The following STYK1 variants were observed in gnomAD, a reference collection of about 807,000 sequenced individuals.
The protein encoded by STYK1 is tyrosine-protein kinase STYK1.
In STYK1, 46 loss-of-function variants were observed where a neutral mutation model predicts 48.1. That is an observed-to-expected ratio of 0.96 (90% CI 0.75 to 1.22). STYK1 has a LOEUF of 1.22. Ranked by LOEUF, STYK1 falls within the 50% of genes most tolerant of loss-of-function variation. STYK1 has a pLI of 0.00. For missense variants in STYK1, 527 were observed against 521.1 expected (o/e 1.01, Z -0.11); for synonymous variants, 188 against 189.0 (o/e 0.99, Z 0.04).
At chr12:10,662,970 G>A (rs1947793413) in intron 1 of STYK1, among the ~76,000 whole-genome samples, 2 of 152,134 alleles carry the variant, frequency 1.3e-5, no homozygotes, top group Non-Finnish European at 2.9e-5. Flanking sequence ...CATAGTTTTA[G>A]TTCTTATATT....
chr12:10,657,736 T>C (rs1394538484), intron 1 of STYK1, among the ~76,000 whole-genome samples: 1 of 152,254 alleles, frequency 6.6e-6, no homozygotes, highest in African/African-American at 2.4e-5. Context: ...GACCTTATCT[T>C]GTACTTCTCT....
chr12:10,647,026 G>A (rs143935694), intron 1 of STYK1, among the ~76,000 whole-genome samples: 59 of 152,352 alleles, frequency 3.9e-4, no homozygotes, highest in Admixed American at 2.0e-3. Context: ...CTGCAGGGGC[G>A]GGGCCCTCAT....
intron 2 of STYK1, among the ~76,000 whole-genome samples, chr12:10,635,610 A>G (rs1947477688): frequency 1.3e-5 from 2 of 152,190 alleles, no homozygotes; most frequent in African/African-American, 4.8e-5. Flanking sequence ...TTCAAAAAAT[A>G]GTAGTGTAAA....
chr12:10,654,567 G>A (rs1433929501), intron 1 of STYK1, among the ~76,000 whole-genome samples: 2 of 152,196 alleles, frequency 1.3e-5, no homozygotes, highest in Non-Finnish European at 2.9e-5. Context: ...GGCGGGGTAT[G>A]TTTTGCCCAG....
chr12:10,650,664 T>G (rs1947652791), intron 1 of STYK1, among the ~76,000 whole-genome samples: 1 of 152,210 alleles, frequency 6.6e-6, no homozygotes, highest in Non-Finnish European at 1.5e-5. Context: ...AAAGACTTGC[T>G]AAATGTTAAG....
chr12:10,666,308 A>G (rs1947833196), intron 1 of STYK1, among the ~76,000 whole-genome samples: 1 of 152,332 alleles, frequency 6.6e-6, no homozygotes, highest in Middle Eastern at 3.4e-3. Context: ...AAAAATAAGC[A>G]CTTGAGATCA....
intron 4 of STYK1, 119 bp from the exon 5 acceptor site, chr12:10,631,427 G>A: frequency 8.0e-7 from 1 of 1,243,750 alleles, no homozygotes; most frequent in Middle Eastern, 2.8e-4. Flanking sequence ...CCAATGGGGA[G>A]TTGTCTTCTG....
intron 1 of STYK1, among the ~76,000 whole-genome samples, chr12:10,646,017 T>A (rs1947595209): frequency 6.6e-6 from 1 of 152,226 alleles, no homozygotes; most frequent in Non-Finnish European, 1.5e-5. Context: ...CTTGGAACCG[T>A]AAGTCCATTA....
intron 1 of STYK1, among the ~76,000 whole-genome samples, chr12:10,653,601 T>G (rs1020971848): frequency 6.6e-6 from 1 of 152,342 alleles, no homozygotes; most frequent in African/African-American, 2.4e-5. Context: ...CTTATATCAT[T>G]TCCTCAAAAT....
At chr12:10,633,888 T>C in intron 4 of STYK1, 102 bp downstream of exon 4, 2 of 1,405,450 alleles carry the variant, frequency 1.4e-6, no homozygotes, top group Non-Finnish European at 1.9e-6. Context: ...TCATTGCAGG[T>C]ACCTAGACTT....
chr12:10,672,719 C>T lies in STYK1; in HGVS notation c.-195+1247G>A, dbSNP rs1187121665. ...AAAAATTGTCTTCCACAAAATCAGT[C>T]CCTGGTGCCTGGTGCCAAAAGCCAT... is the stretch of plus-strand genomic sequence containing the variant. On this transcript the variant is annotated intron_variant, in intron 1 of 10. Transcript: ENST00000075503. This position sits in a 1 kb window ranked among gnomAD's most constrained non-coding sequence, Gnocchi z 4.0. Among the ~76,000 whole-genome samples the T allele has an allele frequency of 6.6e-6, 1 of 152,170 alleles. No individual in the cohort carries two copies. The highest frequency in any genetic ancestry group is 1.5e-5 in the Non-Finnish European group (1 of 68,010).
intron 7 of STYK1, among the ~76,000 whole-genome samples, chr12:10,627,416 C>G (rs914545237): frequency 1.3e-5 from 2 of 152,176 alleles, no homozygotes; most frequent in African/African-American, 4.8e-5. Context: ...AAGTTGACTA[C>G]TTTCTCCCTG....
chr12:10,656,603 C>T (rs187679254), intron 1 of STYK1, among the ~76,000 whole-genome samples: 12 of 151,814 alleles, frequency 7.9e-5, no homozygotes, highest in African/African-American at 1.9e-4. Flanking sequence ...CCAGCCTGGG[C>T]GATAGAGTGA....
At chr12:10,659,587 A>G (rs1947754014) in intron 1 of STYK1, among the ~76,000 whole-genome samples, 1 of 124,038 alleles carries the variant, frequency 8.1e-6, no homozygotes, top group Non-Finnish European at 1.8e-5. Context: ...CCAGGAGGCA[A>G]GTTATCTTGT....
intron 5 of STYK1, 93 bp downstream of exon 5, chr12:10,630,952 T>G: frequency 6.7e-7 from 1 of 1,503,452 alleles, no homozygotes; most frequent in African/African-American, 1.4e-5. Flanking sequence ...ACAGTTATGA[T>G]CACAACTATC....
At chr12:10,673,292 G>T (rs895152736) in intron 1 of STYK1, among the ~76,000 whole-genome samples, 13 of 152,098 alleles carry the variant, frequency 8.5e-5, no homozygotes, top group African/African-American at 3.1e-4. Context: ...CAGGAGAATC[G>T]CTTGAACCTG....
intron 3 of STYK1, 52 bp from the exon 4 acceptor site, chr12:10,634,176 T>G: frequency 6.3e-7 from 1 of 1,578,198 alleles, no homozygotes; most frequent in Non-Finnish European, 8.6e-7. Context: ...CCTAACCTGG[T>G]GTTCATGCAA....
chr12:10,634,733 AT>A, intron 2 of STYK1, 47 bp from the exon 3 acceptor site: 3 of 1,228,262 alleles, frequency 2.4e-6, no homozygotes, highest in Non-Finnish European at 2.3e-6. Flanking sequence ...ATGAAAAAAA[AT>A]AAATGAAGTA....
At chr12:10,640,720 T>A (rs1333496985) in intron 1 of STYK1, 1 of 152,182 alleles carries the variant, frequency 6.6e-6, no homozygotes, top group African/African-American at 2.4e-5. Context: ...TATTTTTACC[T>A]GTCTCCAGAG....
Sources: allele counts gnomAD v4.1 joint callset (sites outside exome capture counted in the v4.1 genomes callset), GRCh38; gene constraint gnomAD v4.1.1; non-coding constraint Gnocchi (gnomAD v3.1); transcripts MANE v1.5; gene names NCBI Gene and HGNC (gene_info 2026-07-23, HGNC 2026-07-21).